Variants in USP35 observed in about 807,000 individuals in gnomAD.
USP35 encodes the protein ubiquitin specific peptidase 35.
In USP35, 69 loss-of-function variants were observed where a neutral mutation model predicts 83.8. The ratio of observed to expected loss-of-function variants is 0.82; its 90% confidence interval spans 0.68 to 1.01. The LOEUF (loss-of-function observed/expected upper bound fraction) is 1.01. Among genes scored for constraint, USP35 ranks in the 50% least tolerant of loss-of-function variants. The probability of loss-of-function intolerance (pLI) is 0.00; values close to 1 mark genes in which losing one functional copy is unlikely to be tolerated. For synonymous variants in USP35, 714 were observed against 589.5 expected, an observed-to-expected ratio of 1.21 and a Z score of -3.06; for missense variants, 1,503 against 1,362.5, an observed-to-expected ratio of 1.10 and a Z score of -1.62.
At chr11:78,199,355 G>A (rs1863265377) in intron 3 of USP35, 1 of 526,388 alleles carries the variant, frequency 1.9e-6, no homozygotes, top group Non-Finnish European at 3.4e-6. Flanking sequence ...CGAGACTTGG[G>A]GTGCTGAGAG....
chr11:78,189,028 G>C lies in USP35; in HGVS notation c.-140G>C. 2 of 915,712 alleles carry C rather than the reference G, an allele frequency of 2.2e-6. No individual in the cohort carries two copies. Among genetic ancestry groups the C allele is most frequent in the Non-Finnish European group, 2.6e-6 (2 of 766,410 alleles). The allele number at this position is 915,712 out of a possible 1,614,324, so 56.7% of individuals were successfully genotyped here. A position where few individuals can be genotyped will look rare whatever the true frequency, so the allele number is the denominator to read the frequency against. ...TGGAAGCAGCATCTCTTCCGTCTGG[G>C]ACCTGGCTGAGGGCGTCCCCACCCT... On this transcript the variant is annotated 5_prime_UTR_variant, in exon 1 of 11. Transcript: ENST00000529308.
At chr11:78,203,134 C>T (rs1388687985) in intron 6 of USP35, among the ~76,000 whole-genome samples, 1 of 152,028 alleles carries the variant, frequency 6.6e-6, no homozygotes, top group Admixed American at 6.6e-5. Flanking sequence ...CCAGTAGGGG[C>T]AGGGAGTTAG....
chr11:78,229,985 A>G, the USP35 span, among the ~76,000 whole-genome samples: 1 of 152,230 alleles, frequency 6.6e-6, no homozygotes, highest in African/African-American at 2.4e-5. Context: ...TTCTTGGAGC[A>G]GGTAGCAAGT....
chr11:78,215,451 TAAA>T (rs564742801), downstream of USP35: 33 of 152,434 alleles, frequency 2.2e-4, no homozygotes, highest in East Asian at 1.9e-4. Context: ...TGTTACAATT[TAAA>T]AAAAAGAATA....
the USP35 span, among the ~76,000 whole-genome samples, chr11:78,231,340 T>G: frequency 6.1e-5 from 9 of 148,048 alleles, no homozygotes; most frequent in African/African-American, 2.3e-4. Flanking sequence ...GTGTGTGGTG[T>G]GTGTGTGTGT....
At chr11:78,228,714 C>T in the USP35 span, among the ~76,000 whole-genome samples, 2 of 152,038 alleles carry the variant, frequency 1.3e-5, no homozygotes, top group East Asian at 3.9e-4. Context: ...CCTCCTTGGG[C>T]CTCTGCACTC....
intron 1 of USP35, among the ~76,000 whole-genome samples, chr11:78,195,604 C>T (rs953591090): frequency 1.3e-5 from 2 of 152,204 alleles, no homozygotes; most frequent in Admixed American, 6.5e-5. Flanking sequence ...AGATCCTGCT[C>T]TTACCTGCCC....
rs796300581 is a variant in USP35 at position 78,188,959 on chromosome 11, A to G, written c.-209A>G. On this transcript the variant is annotated 5_prime_UTR_variant, in exon 1 of 11. Coordinates refer to ENST00000529308, the MANE Select transcript of USP35 (RefSeq NM_020798.4). ...CCGCAGAGTCGGGCTTCCTGGATAC[A>G]TAGAGGCTTGTGCCAGGCGGGGTGG... The G allele has an allele frequency of 6.8e-5, 67 of 985,614 alleles. No individual in the cohort carries two copies. The highest frequency in any genetic ancestry group is 5.8e-4 in the African/African-American group (33 of 57,352). 61.1% of individuals were successfully genotyped at this position (985,614 alleles called of 1,614,324 possible).
chr11:78,217,310 G>A (rs1864196511), downstream of USP35: 1 of 152,210 alleles, frequency 6.6e-6, no homozygotes, highest in South Asian at 2.1e-4. Flanking sequence ...TGTCCTTAGT[G>A]CTTAACCCCA....
intron 2 of USP35, among the ~76,000 whole-genome samples, chr11:78,197,558 T>C (rs1458962350): frequency 6.6e-6 from 1 of 152,152 alleles, no homozygotes; most frequent in Non-Finnish European, 1.5e-5. Flanking sequence ...GACAACAGAC[T>C]TCGAGAAGGA....
chr11:78,204,588 C>G (rs148133783), intron 6 of USP35, among the ~76,000 whole-genome samples: 4 of 152,160 alleles, frequency 2.6e-5, no homozygotes, highest in African/African-American at 9.7e-5. Flanking sequence ...ATCTTCTCTG[C>G]GTGTGCACGG....
At chr11:78,226,770 G>A in the USP35 span, 1 of 1,614,138 alleles carries the variant, frequency 6.2e-7, no homozygotes, top group East Asian at 2.2e-5. Flanking sequence ...CCTGCACAGG[G>A]TGTTGCTGGG....
intron 1 of USP35, among the ~76,000 whole-genome samples, chr11:78,192,812 G>T (rs1045150583): frequency 2.6e-5 from 4 of 152,200 alleles, no homozygotes; most frequent in African/African-American, 9.6e-5. Flanking sequence ...AGGCTCATGG[G>T]TATGATTTAC....
At chr11:78,234,737 A>G in the USP35 span, among the ~76,000 whole-genome samples, 1 of 151,960 alleles carries the variant, frequency 6.6e-6, no homozygotes, top group Admixed American at 6.6e-5. Flanking sequence ...CTTGATTACC[A>G]TAGTTTGACA....
chr11:78,227,030 G>GC, the USP35 span: 1 of 1,611,194 alleles, frequency 6.2e-7, no homozygotes. Flanking sequence ...AGGCTCTGGT[G>GC]CCCTGAGAGA....
At chr11:78,200,853 G>C (rs570053209) in intron 6 of USP35, 45 bp downstream of exon 6, 2 of 1,555,678 alleles carry the variant, frequency 1.3e-6, no homozygotes, top group Admixed American at 1.9e-5. Flanking sequence ...CTCTGACAAA[G>C]GTACCAGTGT....
intron 1 of USP35, among the ~76,000 whole-genome samples, chr11:78,191,397 C>T (rs1565391954): frequency 6.6e-6 from 1 of 152,096 alleles, no homozygotes; most frequent in African/African-American, 2.4e-5. Context: ...GCCAGTAGGG[C>T]GAGGGGTATG....
At chr11:78,223,079 C>A in the USP35 span, among the ~76,000 whole-genome samples, 1 of 152,190 alleles carries the variant, frequency 6.6e-6, no homozygotes, top group Non-Finnish European at 1.5e-5. Context: ...CTATCCTACT[C>A]CTCCCTTTGA....
chr11:78,210,771 C>T (rs377304444), intron 10 of USP35, 27 bp downstream of exon 10: 2 of 1,507,182 alleles, frequency 1.3e-6, no homozygotes, highest in East Asian at 4.6e-5. Flanking sequence ...GGCCTTTGAT[C>T]TGATCTCTTG....
Sources: gnomAD v4.1 joint callset for allele counts (sites outside exome capture counted in the v4.1 genomes callset) on GRCh38, gnomAD v4.1.1 for gene constraint, MANE v1.5 for transcripts, NCBI Gene and HGNC (gene_info 2026-07-23, HGNC 2026-07-21) for gene names.